Variants in ATXN2 observed in about 807,000 individuals in gnomAD.
The protein encoded by ATXN2 is ataxin 2.
ATXN2 carries 37 observed loss-of-function variants against 138.6 expected under a neutral mutation model. That is an observed-to-expected ratio of 0.27 (90% CI 0.21 to 0.35). ATXN2 has a LOEUF of 0.35. Among genes scored for constraint, ATXN2 ranks in the 10% least tolerant of loss-of-function variants. The probability of loss-of-function intolerance (pLI) is 1.00; values close to 1 mark genes in which losing one functional copy is unlikely to be tolerated. For synonymous variants in ATXN2, 549 were observed against 543.7 expected (o/e 1.01, Z -0.13); for missense variants, 1,216 against 1,480.3 (o/e 0.82, Z 2.93).
At chr12:111,466,053 C>G (rs1460210141) in intron 20 of ATXN2, among the ~76,000 whole-genome samples, 3 of 151,842 alleles carry the variant, frequency 2.0e-5, no homozygotes, top group Admixed American at 1.3e-4. Flanking sequence ...GTAGTCCCAG[C>G]TACTCAGGAG....
chr12:111,504,973 T>G (rs1879012506), intron 14 of ATXN2, among the ~76,000 whole-genome samples: 1 of 152,128 alleles, frequency 6.6e-6, no homozygotes, highest in South Asian at 2.1e-4. Context: ...GAAAGCAATT[T>G]TTCACTTTGG....
At chr12:111,554,727 T>C (rs1200116667) in intron 2 of ATXN2, among the ~76,000 whole-genome samples, 1 of 152,144 alleles carries the variant, frequency 6.6e-6, no homozygotes, top group African/African-American at 2.4e-5. Flanking sequence ...ATTTGAGGGA[T>C]TTTGGTGGGC....
At chr12:111,497,136 A>G (rs182723994) in intron 14 of ATXN2, among the ~76,000 whole-genome samples, 50 of 152,302 alleles carry the variant, frequency 3.3e-4, no homozygotes, top group African/African-American at 4.8e-5. Context: ...TCCTAGACAC[A>G]TACAACCTAC....
chr12:111,575,312 G>T (rs974902586), intron 1 of ATXN2, among the ~76,000 whole-genome samples: 6 of 152,096 alleles, frequency 3.9e-5, no homozygotes, highest in Admixed American at 6.6e-5. Flanking sequence ...CAGCCTCGTA[G>T]TAGCTGCGAC....
intron 5 of ATXN2, among the ~76,000 whole-genome samples, chr12:111,547,994 A>C (rs1881916690): frequency 6.6e-6 from 1 of 152,030 alleles, no homozygotes; most frequent in South Asian, 2.1e-4. Flanking sequence ...GGAGCTTGAA[A>C]TCAGCCTGGC....
At chr12:111,599,329 G>T, upstream of ATXN2, 7 of 1,168,550 alleles carry the variant, frequency 6.0e-6, no homozygotes, top group Non-Finnish European at 7.4e-6. Context: ...GGGAGGGAGG[G>T]GGGCCGGGGC....
rs147841085 is a variant in ATXN2 at position 111,535,709 on chromosome 12, T to C, written c.572-10393A>G. ...TAGTAGGTCAATAAGTAGATTAACA[T>C]TGGGAAATAGGCCGGGCGCGGTGGC... On this transcript the variant is annotated intron_variant, in intron 5 of 24. Transcript: ENST00000673436. 1.0e-3 allele frequency among the ~76,000 whole-genome samples: 149 copies of C among 149,520 alleles called. 2 individuals are homozygous for C. Among genetic ancestry groups the C allele is most frequent in the African/African-American group, 3.3e-3 (133 of 40,844 alleles).
chr12:111,592,761 C>A (rs12817142), intron 1 of ATXN2, among the ~76,000 whole-genome samples: 12 of 83,802 alleles, frequency 1.4e-4, no homozygotes, highest in African/African-American at 5.3e-4. Context: ...CCAGCCTGGG[C>A]GACAGAGCAA....
Position 111,598,858 on chromosome 12 carries a change from G to C in ATXN2, c.177C>G (p.Val59=), listed in dbSNP as rs1012349651. The part of the protein sequence containing the change: ...AAAPSPSSSS[V]SSSSATAPSS... ...AGGGAGCCGTGGCCGAGGACGAGGA[G>C]ACCGAGGACGAGGACGGCGAAGGCG... The change falls in exon 1 of 25, where the codon GTC becomes GTG. Residue 59 remains valine, a synonymous_variant. Coordinates refer to ENST00000673436, the MANE Select transcript of ATXN2 (RefSeq NM_001372574.1). This position sits in a 1 kb window ranked among gnomAD's most constrained non-coding sequence, Gnocchi z 4.5. 3.6e-5 allele frequency: 54 copies of C among 1,488,274 alleles called. No homozygotes were observed. The highest frequency in any genetic ancestry group is 4.5e-5 in the Non-Finnish European group (51 of 1,125,348). 92.2% of individuals were successfully genotyped at this position (1,488,274 alleles called of 1,614,324 possible).
At chr12:111,464,335 T>TTGTGTTTG (rs1555229780) in intron 21 of ATXN2, among the ~76,000 whole-genome samples, 123 of 105,836 alleles carry the variant, frequency 1.2e-3, no homozygotes, top group African/African-American at 5.3e-3. Context: ...GTGTGTGTGT[T>TTGTGTTTG]TGTGTGTGTG....
chr12:111,565,170 A>AT (rs1882926850), intron 1 of ATXN2, among the ~76,000 whole-genome samples: 2 of 152,190 alleles, frequency 1.3e-5, no homozygotes, highest in Admixed American at 1.3e-4. Flanking sequence ...CTACTGAAAA[A>AT]AAAAACGTAT....
chr12:111,597,851 C>T (rs1163888191), intron 1 of ATXN2: 25 of 1,285,942 alleles, frequency 1.9e-5, no homozygotes, highest in Non-Finnish European at 2.3e-5. Flanking sequence ...AGGGTGCCCG[C>T]CCCCTGCCAC....
intron 6 of ATXN2, among the ~76,000 whole-genome samples, chr12:111,523,568 A>C (rs1386872894): frequency 2.0e-5 from 3 of 151,600 alleles, no homozygotes; most frequent in Admixed American, 2.0e-4. Context: ...TCTACTAAAA[A>C]TACAAAAATT....
chr12:111,566,940 G>A (rs968999369), intron 1 of ATXN2, among the ~76,000 whole-genome samples: 2 of 152,068 alleles, frequency 1.3e-5, no homozygotes, highest in Non-Finnish European at 2.9e-5. Flanking sequence ...GCCCAACCAG[G>A]AAATTGCTTC....
chr12:111,563,777 T>C (rs775545160), intron 1 of ATXN2, among the ~76,000 whole-genome samples: 13 of 152,218 alleles, frequency 8.5e-5, no homozygotes, highest in Non-Finnish European at 1.8e-4. Context: ...ATTTAATGCA[T>C]TGTCCAAGGC....
At chr12:111,466,946 T>C (rs1000419169) in intron 20 of ATXN2, among the ~76,000 whole-genome samples, 49 of 152,180 alleles carry the variant, frequency 3.2e-4, no homozygotes, top group African/African-American at 1.2e-3. Context: ...TCAGGGAAGA[T>C]GAGTATAAAA....
At chr12:111,529,295 C>T (rs1353246851) in intron 5 of ATXN2, among the ~76,000 whole-genome samples, 1 of 152,082 alleles carries the variant, frequency 6.6e-6, no homozygotes, top group African/African-American at 2.4e-5. Context: ...TCCATCATCC[C>T]CTATGGTGAG....
chr12:111,571,097 A>T (rs1566071337), intron 1 of ATXN2, among the ~76,000 whole-genome samples: 2 of 152,240 alleles, frequency 1.3e-5, no homozygotes, highest in Admixed American at 6.5e-5. Context: ...AGGGGAAGAA[A>T]CTTAAGCATA....
chr12:111,564,653 A>T (rs1484268472), intron 1 of ATXN2, among the ~76,000 whole-genome samples: 4 of 151,774 alleles, frequency 2.6e-5, no homozygotes, highest in Admixed American at 6.6e-5. Context: ...AGCCAGGTGC[A>T]GAGGTGCAGC....
Sources: allele counts gnomAD v4.1 joint callset (sites outside exome capture counted in the v4.1 genomes callset), GRCh38; gene constraint gnomAD v4.1.1; non-coding constraint Gnocchi (gnomAD v3.1); transcripts MANE v1.5; gene names NCBI Gene and HGNC (gene_info 2026-07-23, HGNC 2026-07-21).